KLHL30: variants seen among roughly 807,000 people sequenced by gnomAD.
The protein encoded by KLHL30 is kelch like family member 30, also known as kelch-like protein 30.
Under a neutral mutation model 55.0 loss-of-function variants are expected in KLHL30, and 55 were observed. The observed-to-expected ratio is 1.00, with a 90% confidence interval of 0.80 to 1.25. The LOEUF is 1.25. KLHL30 is among the 50% of genes most tolerant of loss of function. KLHL30 has a pLI of 0.00. For synonymous variants in KLHL30, 356 were observed against 372.6 expected (o/e 0.96, Z 0.51); for missense variants, 786 against 811.6 (o/e 0.97, Z 0.38).
At position 238,147,201 on chromosome 2, in the gene KLHL30, TG is replaced by T. The variant is rs1452899602; in HGVS notation, c.1151-632del. Among the ~76,000 whole-genome samples the T allele has an allele frequency of 1.3e-5, 2 of 151,324 alleles. No homozygotes were observed. The highest frequency in any genetic ancestry group is 1.3e-4 in the Admixed American group (2 of 15,214). ...CAAAACACATGGGGCCCAAAAGCTC[TG>T]TAGGTGATGAACTGGTCTTGAGGCC... is the stretch of plus-strand genomic sequence containing the variant. On this transcript the variant is annotated intron_variant, in intron 5 of 7. Transcript: ENST00000409223. The surrounding 1 kb of genome is among the most constrained non-coding windows in gnomAD (Gnocchi z 5.8).
Position 238,144,964 on chromosome 2 carries a change from C to G in KLHL30, c.970C>G (p.Leu324Val). 6.2e-7 allele frequency: 1 copy of G among 1,609,054 alleles called. No individual in the cohort carries two copies. Among genetic ancestry groups the G allele is most frequent in the Non-Finnish European group, 8.5e-7 (1 of 1,177,862 alleles). Residue 324 changes from leucine to valine, a missense_variant, in exon 4 of 8, where the codon CTG (leucine) becomes GTG (valine). By Grantham distance (32) the Leu-to-Val change is conservative. Transcript: ENST00000409223. ...YHKWGFSLAALNNNIYVTGGS... is the reference protein window; with the variant it reads ...YHKWGFSLAAVNNNIYVTGGS... The stretch of plus-strand genomic sequence containing the variant: ...CAAGTGGGGTTTCTCCCTGGCGGCC[C>G]TGAACAACAACATCTATGTCACAGG...
In KLHL30 at chr2:238,151,230, C is replaced by A. The variant is rs1692750827; in HGVS notation, c.*165C>A. On this transcript the variant is annotated 3_prime_UTR_variant, in exon 8 of 8. Transcript: ENST00000409223. The stretch of plus-strand genomic sequence containing the variant: ...AGACGGCATGGCTTGGAGGACACAG[C>A]CTTGGTCTCTGTGGCCACCACACTA... 5 of 973,702 alleles carry A rather than the reference C, an allele frequency of 5.1e-6. No individual in the cohort carries two copies. In the South Asian group the frequency reaches 6.9e-5, roughly 13 times the overall value. The allele number at this position is 973,702 out of a possible 1,614,324, so 60.3% of individuals were successfully genotyped here.
At chr2:238,138,865 C>G (rs1692479589) in intron 1 of KLHL30, 107 bp downstream of exon 1, 1 of 152,608 alleles carries the variant, frequency 6.6e-6, no homozygotes, top group East Asian at 1.9e-4. Flanking sequence ...GGGATCACAG[C>G]AGGGTGCTTT....
In KLHL30 at chr2:238,147,937, C is replaced by T. The variant is rs1031746909; in HGVS notation, c.1254C>T (p.Ala418=). 1.7e-5 allele frequency: 27 copies of T among 1,594,728 alleles called. No individual in the cohort carries two copies. The highest frequency in any genetic ancestry group is 1.4e-4 in the East Asian group (6 of 43,618). Residue 418 remains alanine (A), a synonymous_variant, in exon 6 of 8, where the codon GCC becomes GCT. Coordinates refer to ENST00000409223, the MANE Select transcript of KLHL30 (RefSeq NM_198582.4). This position sits in a 1 kb window ranked among gnomAD's most constrained non-coding sequence, Gnocchi z 5.8. ...AATACGTCAGCAACTTCTCGGCTGCCGGCTGCCGGGGCCGGCTCTACCTGG... is the reference window on the plus strand; with the variant it reads ...AATACGTCAGCAACTTCTCGGCTGCTGGCTGCCGGGGCCGGCTCTACCTGG... ...ALKYVSNFSA[A]GCRGRLYLVG...
At chr2:238,140,561 G>A (rs1416576216) in intron 1 of KLHL30, 124 bp from the exon 2 acceptor site, 2 of 577,868 alleles carry the variant, frequency 3.5e-6, no homozygotes, top group African/African-American at 1.9e-5. Flanking sequence ...AAAGTGACTG[G>A]CATATGGTCG....
chr2:238,152,241 C>G lies in KLHL30; in HGVS notation c.*1176C>G. 2.0e-6 allele frequency: 2 copies of G among 985,258 alleles called. No homozygotes were observed. The highest frequency in any genetic ancestry group is 2.4e-6 in the Non-Finnish European group (2 of 829,736). 61.0% of individuals were successfully genotyped at this position (985,258 alleles called of 1,614,324 possible). On this transcript the variant is annotated 3_prime_UTR_variant, in exon 8 of 8. Transcript: ENST00000409223. ...CCCCTGGGTTCCTCCTTAACACCCC[C>G]CGCCCCTGGGGACCAGAGGGGCCTC...
Position 238,144,894 on chromosome 2 carries a change from C to T in KLHL30, c.908-8C>T, listed in dbSNP as rs1216189498. On this transcript the variant is annotated splice_region_variant and splice_polypyrimidine_tract_variant and intron_variant, in intron 3 of 7. Coordinates refer to ENST00000409223, the MANE Select transcript of KLHL30 (RefSeq NM_198582.4). ...AGCCTGACCCTTCTGCCTCTCTCTTCCTGCCAGAGAGGTGGATGGCACTTC... is the reference window on the plus strand; with the variant it reads ...AGCCTGACCCTTCTGCCTCTCTCTTTCTGCCAGAGAGGTGGATGGCACTTC... The T allele has an allele frequency of 4.4e-6, 7 of 1,603,130 alleles. No homozygotes were observed. In the African/African-American group the frequency reaches 6.7e-5, roughly 15 times the overall value.
In KLHL30 at chr2:238,140,865, G is replaced by A. The variant is rs1425038950; in HGVS notation, c.111G>A (p.Leu37=). 6 of 1,611,126 alleles carry A rather than the reference G, an allele frequency of 3.7e-6. No individual in the cohort carries two copies. Among genetic ancestry groups the A allele is most frequent in the Admixed American group, 1.7e-5 (1 of 59,960 alleles). Residue 37 remains leucine, a synonymous_variant, in exon 2 of 8, where the codon CTG becomes CTA. Transcript: ENST00000409223. Reference sequence around the variant, plus strand: ...AGCCCAAGCTGGCCGACGTCACACTGCTGGTGGGCGGCCGGGAGCTGCCAT... The same window carrying A: ...AGCCCAAGCTGGCCGACGTCACACTACTGGTGGGCGGCCGGGAGCTGCCAT... ...RSQPKLADVT[L]LVGGRELPCH...
chr2:238,150,663 C>T (rs1166374172), intron 7 of KLHL30, 151 bp from the exon 8 acceptor site: 4 of 836,166 alleles, frequency 4.8e-6, no homozygotes, highest in African/African-American at 1.7e-5. Context: ...CTGCGGTGGG[C>T]TGCCCAGGGA....
intron 5 of KLHL30, among the ~76,000 whole-genome samples, chr2:238,146,037 G>A (rs1692642679): frequency 6.6e-6 from 1 of 152,122 alleles, no homozygotes; most frequent in Non-Finnish European, 1.5e-5. Flanking sequence ...CACAGCCCAG[G>A]TGTCCTCCCT....
chr2:238,151,064 A>G lies in KLHL30; in HGVS notation c.1736A>G (p.Ter579=), dbSNP rs1692747730. ...TQPSGPTQEH[*] ...CCCTCCGGCCCCACCCAGGAGCACT[A>G]AACCAGGGCCAGGGTCCCCGGGGAG... is the stretch of plus-strand genomic sequence containing the variant. The change falls in exon 8 of 8, where the codon TAA becomes TGA. Residue 579 remains the stop codon, a stop_retained_variant. Transcript: ENST00000409223. 6.3e-7 allele frequency: 1 copy of G among 1,588,630 alleles called. No individual in the cohort carries two copies. Among genetic ancestry groups the G allele is most frequent in the Non-Finnish European group, 8.6e-7 (1 of 1,167,594 alleles).
At chr2:238,141,774 C>T (rs1692546837) in intron 2 of KLHL30, among the ~76,000 whole-genome samples, 1 of 152,228 alleles carries the variant, frequency 6.6e-6, no homozygotes. Flanking sequence ...TAAGATCTGG[C>T]CCTGTCCTGA....
In KLHL30 at chr2:238,140,989, G is replaced by A. The variant is rs200448099; in HGVS notation, c.235G>A (p.Val79Met). 452 of 1,612,492 alleles carry A rather than the reference G, an allele frequency of 2.8e-4. No individual in the cohort carries two copies. In the African/African-American group the frequency reaches 3.5e-3, roughly 13 times the overall value. Residue 79 changes from valine (V) to methionine (M), a missense_variant, in exon 2 of 8, where the codon GTG becomes ATG. Coordinates refer to ENST00000409223, the MANE Select transcript of KLHL30 (RefSeq NM_198582.4). ...CTCTGCGCGCGTGGAGCTGCGGGAC[G>A]TGGAGCCCGCCGTGGTGGGACAACT... ...SFSARVELRDVEPAVVGQLVD... is the reference protein window; with the variant it reads ...SFSARVELRDMEPAVVGQLVD...
chr2:238,140,788 C>T lies in KLHL30; in HGVS notation c.34C>T (p.Leu12=). ...VRNVDDLDFH[L]PSHAQDMLDG... is the part of the protein sequence containing the mutation. ...GAACGTGGATGACCTGGATTTCCAC[C>T]TGCCCTCGCATGCCCAGGACATGCT... Residue 12 remains leucine, a synonymous_variant, in exon 2 of 8, where the codon CTG becomes TTG. Transcript: ENST00000409223. 6.4e-7 allele frequency: 1 copy of T among 1,569,914 alleles called. No individual in the cohort carries two copies. The highest frequency in any genetic ancestry group is 8.7e-7 in the Non-Finnish European group (1 of 1,153,338).
At chr2:238,146,508 G>A (rs1340376489) in intron 5 of KLHL30, among the ~76,000 whole-genome samples, 2 of 151,330 alleles carry the variant, frequency 1.3e-5, no homozygotes, top group East Asian at 4.1e-4. Flanking sequence ...CCAGGTTCAA[G>A]CAATCTTCCC....
chr2:238,145,587 GGGA>G (rs1692632185), intron 4 of KLHL30, 87 bp from the exon 5 acceptor site: 3 of 1,441,778 alleles, frequency 2.1e-6, no homozygotes, highest in African/African-American at 2.8e-5. Flanking sequence ...GGCCTGGCAT[GGGA>G]GGAGGTCCCT....
At chr2:238,150,385 A>G (rs539446410) in intron 7 of KLHL30, among the ~76,000 whole-genome samples, 7 of 152,172 alleles carry the variant, frequency 4.6e-5, no homozygotes, top group Non-Finnish European at 7.4e-5. Context: ...TCCCAAGGCC[A>G]TAGACTGAGC....
chr2:238,142,726 G>C (rs1323364691), intron 2 of KLHL30, 73 bp from the exon 3 acceptor site: 1 of 1,324,510 alleles, frequency 7.5e-7, no homozygotes, highest in African/African-American at 1.5e-5. Flanking sequence ...GCTGAGGCCT[G>C]CCCAGGACAC....
At chr2:238,140,589 A>G (rs1692512942) in intron 1 of KLHL30, 96 bp from the exon 2 acceptor site, 1 of 648,768 alleles carries the variant, frequency 1.5e-6, no homozygotes, top group African/African-American at 1.9e-5. Flanking sequence ...TCCTGTGTTT[A>G]TCAAGGGGTG....
Sources: allele counts gnomAD v4.1 joint callset (sites outside exome capture counted in the v4.1 genomes callset), GRCh38; gene constraint gnomAD v4.1.1; non-coding constraint Gnocchi (gnomAD v3.1); transcripts MANE v1.5; gene names NCBI Gene and HGNC (gene_info 2026-07-23, HGNC 2026-07-21).